The following RAB27A variants were observed in gnomAD, a reference collection of about 807,000 sequenced individuals.
The protein encoded by RAB27A is ras-related protein Rab-27A.
Under a neutral mutation model 20.8 loss-of-function variants are expected in RAB27A, and 17 were observed. That is an observed-to-expected ratio of 0.82 (90% CI 0.56 to 1.23). The LOEUF (loss-of-function observed/expected upper bound fraction) is 1.23. Ranked by LOEUF, RAB27A falls within the 50% of genes most tolerant of loss-of-function variation. RAB27A has a pLI of 0.00. For synonymous variants in RAB27A, 85 were observed against 92.8 expected (o/e 0.92, Z 0.48); for missense variants, 277 against 266.7 (o/e 1.04, Z -0.27).
intron 2 of RAB27A, among the ~76,000 whole-genome samples, chr15:55,255,947 G>A (rs964175871): frequency 1.3e-5 from 2 of 152,136 alleles, no homozygotes; most frequent in Non-Finnish European, 2.9e-5. Flanking sequence ...TGTGTCCTGT[G>A]GTGAGCCAGA....
chr15:55,207,533 G>C (rs201046440), intron 6 of RAB27A, among the ~76,000 whole-genome samples: 1 of 152,142 alleles, frequency 6.6e-6, no homozygotes, highest in Non-Finnish European at 1.5e-5. Context: ...CCCTGTGCTG[G>C]AGCAGCACTA....
At chr15:55,307,292 G>A (rs921888798) in intron 2 of RAB27A, among the ~76,000 whole-genome samples, 3 of 152,036 alleles carry the variant, frequency 2.0e-5, no homozygotes, top group Non-Finnish European at 2.9e-5. Context: ...AAGGTCATTG[G>A]TTAGGAAGGA....
At chr15:55,243,926 C>T (rs1896589417) in intron 2 of RAB27A, among the ~76,000 whole-genome samples, 1 of 152,130 alleles carries the variant, frequency 6.6e-6, no homozygotes, top group Admixed American at 6.5e-5. Context: ...ATAAACATAA[C>T]ACAATATGAC....
chr15:55,300,535 C>A (rs1402221615), intron 2 of RAB27A, among the ~76,000 whole-genome samples: 1 of 152,044 alleles, frequency 6.6e-6, no homozygotes, highest in Admixed American at 6.5e-5. Context: ...CAAAATTAGC[C>A]AGGCATAGTG....
At chr15:55,300,915 A>T (rs1430307755) in intron 2 of RAB27A, among the ~76,000 whole-genome samples, 1 of 152,202 alleles carries the variant, frequency 6.6e-6, no homozygotes, top group Non-Finnish European at 1.5e-5. Flanking sequence ...GGACTCTTCA[A>T]TGCCACAAAA....
At chr15:55,307,646 A>AG (rs1282142647) in intron 2 of RAB27A, among the ~76,000 whole-genome samples, 3 of 151,618 alleles carry the variant, frequency 2.0e-5, no homozygotes, top group Non-Finnish European at 2.9e-5. Context: ...TCTGTCCTAC[A>AG]GGGGAAGGCC....
intron 2 of RAB27A, among the ~76,000 whole-genome samples, chr15:55,259,036 G>A (rs1334506808): frequency 2.6e-5 from 4 of 152,046 alleles, no homozygotes; most frequent in East Asian, 1.9e-4. Flanking sequence ...GGCTGGTCTC[G>A]AACTCCTAGC....
intron 2 of RAB27A, chr15:55,237,588 A>T (rs1290246307): frequency 6.6e-6 from 1 of 152,176 alleles, no homozygotes; most frequent in African/African-American, 2.4e-5. Context: ...AAAAAACGAC[A>T]ACTTGGACAT....
intron 2 of RAB27A, among the ~76,000 whole-genome samples, chr15:55,295,237 T>C (rs1000283107): frequency 1.2e-4 from 19 of 152,028 alleles, no homozygotes; most frequent in Admixed American, 6.6e-4. Flanking sequence ...GAAGGGTGAT[T>C]TGGCAAGGAC....
At chr15:55,300,404 G>A (rs541068469) in intron 2 of RAB27A, among the ~76,000 whole-genome samples, 1 of 152,210 alleles carries the variant, frequency 6.6e-6, no homozygotes, top group East Asian at 1.9e-4. Context: ...TCTTGGCCAG[G>A]CTTCATGGCT....
intron 2 of RAB27A, among the ~76,000 whole-genome samples, chr15:55,262,423 T>A (rs1011472147): frequency 6.6e-6 from 1 of 151,320 alleles, no homozygotes; most frequent in Non-Finnish European, 1.5e-5. Flanking sequence ...GCACCTGTAG[T>A]CTCAGGTACT....
At chr15:55,215,326 A>G (rs1177346616) in intron 6 of RAB27A, among the ~76,000 whole-genome samples, 3 of 152,216 alleles carry the variant, frequency 2.0e-5, no homozygotes, top group Admixed American at 6.5e-5. Context: ...AAACCTGTGC[A>G]TGGAAGTTAT....
chr15:55,302,275 G>C (rs550707380), intron 2 of RAB27A, among the ~76,000 whole-genome samples: 24 of 152,006 alleles, frequency 1.6e-4, no homozygotes, highest in African/African-American at 5.8e-4. Flanking sequence ...GGGTTTCGCT[G>C]TGTTGGCCGG....
At chr15:55,308,947 G>A (rs1053563486) in intron 2 of RAB27A, among the ~76,000 whole-genome samples, 3 of 152,162 alleles carry the variant, frequency 2.0e-5, no homozygotes, top group African/African-American at 7.2e-5. Context: ...GGTATGCCAC[G>A]GGTTGCAAGC....
chr15:55,310,932 G>A (rs2055017715), intron 2 of RAB27A, among the ~76,000 whole-genome samples: 1 of 152,190 alleles, frequency 6.6e-6, no homozygotes, highest in Non-Finnish European at 1.5e-5. Context: ...CTGTGTTACA[G>A]TGGACATCAT....
rs1287359110 is a variant in RAB27A at position 55,209,829 on chromosome 15, CAT to C, written c.468-4126_468-4125del. 4.1e-4 allele frequency among the ~76,000 whole-genome samples: 51 copies of C among 123,594 alleles called. 10 individuals carry two copies. Among genetic ancestry groups the C allele is most frequent in the Admixed American group, 1.2e-3 (16 of 13,318 alleles). The allele number at this position is 123,594 out of a possible 152,430, so 81.1% of individuals were successfully genotyped here. A position where few individuals can be genotyped will look rare whatever the true frequency, so the allele number is the denominator to read the frequency against. ...ATATACACACATGTGTGTATATATA[CAT>C]ATATGTGTGTACACATATATGTGTG... On this transcript the variant is annotated intron_variant, in intron 6 of 6. Coordinates refer to ENST00000336787, the MANE Select transcript of RAB27A (RefSeq NM_183235.3).
intron 2 of RAB27A, among the ~76,000 whole-genome samples, chr15:55,245,082 T>G (rs1189637387): frequency 6.6e-6 from 1 of 152,266 alleles, no homozygotes; most frequent in African/African-American, 2.4e-5. Context: ...CCAAGATATA[T>G]GAGTAGGGAC....
intron 6 of RAB27A, among the ~76,000 whole-genome samples, chr15:55,208,796 G>A (rs1014637688): frequency 1.1e-4 from 16 of 152,186 alleles, no homozygotes; most frequent in African/African-American, 3.6e-4. Flanking sequence ...CTGGTGGCTG[G>A]CACCTGCCTC....
intron 2 of RAB27A, among the ~76,000 whole-genome samples, chr15:55,256,449 A>T (rs1386501514): frequency 6.6e-6 from 1 of 152,110 alleles, no homozygotes; most frequent in Non-Finnish European, 1.5e-5. Context: ...TCTGACCGTG[A>T]CTCAAAGCAA....
Sources: gnomAD v4.1 joint callset for allele counts (sites outside exome capture counted in the v4.1 genomes callset) on GRCh38, gnomAD v4.1.1 for gene constraint, MANE v1.5 for transcripts, NCBI Gene and HGNC (gene_info 2026-07-23, HGNC 2026-07-21) for gene names.